Variants in HS3ST4 observed in about 807,000 individuals in gnomAD.
HS3ST4 encodes the protein heparan sulfate-glucosamine 3-sulfotransferase 4, also known as heparan sulfate glucosamine 3-O-sulfotransferase 4.
A neutral mutation model predicts 29.2 loss-of-function variants in HS3ST4; 17 were observed. The ratio of observed to expected loss-of-function variants is 0.58; its 90% CI spans 0.40 to 0.87. The LOEUF (loss-of-function observed/expected upper bound fraction) is 0.87, where lower values mean the gene tolerates loss of function less well. Among genes scored for constraint, HS3ST4 ranks in the 40% least tolerant of loss-of-function variants. The pLI is 0.00. For synonymous variants in HS3ST4, 314 were observed against 285.7 expected (o/e 1.10, Z -1.00); for missense variants, 627 against 634.5 (o/e 0.99, Z 0.13).
intron 1 of HS3ST4, among the ~76,000 whole-genome samples, chr16:26,128,279 C>T (rs1223272873): frequency 2.0e-5 from 3 of 152,180 alleles, no homozygotes; most frequent in Non-Finnish European, 4.4e-5. Context: ...GGGCAGGGAC[C>T]ATGCCTGCTT....
intron 1 of HS3ST4, among the ~76,000 whole-genome samples, chr16:26,105,055 G>A (rs1013773468): frequency 6.6e-6 from 1 of 152,096 alleles, no homozygotes; most frequent in Non-Finnish European, 1.5e-5. Flanking sequence ...TCCCCCGAAA[G>A]CCTCTTCTCC....
At chr16:25,744,639 T>C (rs1966674638) in intron 1 of HS3ST4, among the ~76,000 whole-genome samples, 1 of 152,208 alleles carries the variant, frequency 6.6e-6, no homozygotes, top group Non-Finnish European at 1.5e-5. Flanking sequence ...CATTCTGATA[T>C]GGTTTGGCTG....
chr16:26,041,508 AC>A (rs1230042300), intron 1 of HS3ST4, among the ~76,000 whole-genome samples: 1 of 152,012 alleles, frequency 6.6e-6, no homozygotes, highest in Non-Finnish European at 1.5e-5. Context: ...ACAAAACAAA[AC>A]CCTGAAATCC....
intron 1 of HS3ST4, among the ~76,000 whole-genome samples, chr16:26,090,178 A>T (rs1200139248): frequency 1.3e-5 from 2 of 152,064 alleles, no homozygotes; most frequent in African/African-American, 4.8e-5. Context: ...GTGGATTCAG[A>T]TTAGTTGAGA....
At chr16:25,803,705 A>C (rs2141625239) in intron 1 of HS3ST4, among the ~76,000 whole-genome samples, 1 of 152,074 alleles carries the variant, frequency 6.6e-6, no homozygotes, top group South Asian at 2.1e-4. Context: ...TCAAATATTA[A>C]ATTCCTGGGT....
intron 1 of HS3ST4, among the ~76,000 whole-genome samples, chr16:26,051,270 T>A (rs746516416): frequency 2.6e-5 from 4 of 151,996 alleles, no homozygotes; most frequent in African/African-American, 4.8e-5. Flanking sequence ...TACTGTGCCT[T>A]TAATTACCCT....
intron 1 of HS3ST4, among the ~76,000 whole-genome samples, chr16:25,725,613 G>A (rs1394411094): frequency 6.6e-6 from 1 of 151,650 alleles, no homozygotes; most frequent in Non-Finnish European, 1.5e-5. Context: ...TGCATATAAT[G>A]CAAACAATTG....
intron 1 of HS3ST4, among the ~76,000 whole-genome samples, chr16:25,770,621 TCCTGTGAGTGAGCTA>T (rs1339903879): frequency 1.3e-5 from 2 of 152,184 alleles, no homozygotes; most frequent in African/African-American, 2.4e-5. Flanking sequence ...GGCCTGCCAG[TCCTGTGAGTGAGCTA>T]CCTGGGGTAA....
intron 1 of HS3ST4, among the ~76,000 whole-genome samples, chr16:25,740,616 C>G (rs548727584): frequency 6.6e-6 from 1 of 152,198 alleles, no homozygotes; most frequent in Middle Eastern, 3.4e-3. Flanking sequence ...TAATTTAAAC[C>G]ATGTAAAATA....
intron 1 of HS3ST4, chr16:25,826,233 A>G (rs1019410735): frequency 1.3e-5 from 2 of 152,224 alleles, no homozygotes; most frequent in African/African-American, 4.8e-5. Flanking sequence ...CTGGACCTCA[A>G]GAACTCCTTC....
chr16:26,088,680 G>A (rs1213459964), intron 1 of HS3ST4, among the ~76,000 whole-genome samples: 2 of 152,178 alleles, frequency 1.3e-5, no homozygotes, highest in African/African-American at 4.8e-5. Context: ...CATGTGAGAA[G>A]CTGTTCATTG....
chr16:26,019,099 C>T (rs991771354), intron 1 of HS3ST4, among the ~76,000 whole-genome samples: 2 of 152,070 alleles, frequency 1.3e-5, no homozygotes, highest in Non-Finnish European at 2.9e-5. Flanking sequence ...ATATTCCCGT[C>T]CTGCAAGTGG....
In HS3ST4 at chr16:26,074,823, G is replaced by A. The variant is rs139776881; in HGVS notation, c.735-60789G>A. On this transcript the variant is annotated intron_variant, in intron 1 of 1. Transcript: ENST00000331351. ...CTATATATGTGAATGCACATGCCCC[G>A]ACTCTGAGCTTCAAGCAAGCTTTTC... Among the ~76,000 whole-genome samples the A allele has an allele frequency of 2.3e-3, 352 of 152,164 alleles. 3 individuals carry two copies. The highest frequency in any genetic ancestry group is 8.3e-3 in the African/African-American group (344 of 41,500).
chr16:26,045,965 G>A (rs190760495), intron 1 of HS3ST4, among the ~76,000 whole-genome samples: 13 of 151,708 alleles, frequency 8.6e-5, no homozygotes, highest in Admixed American at 4.6e-4. Context: ...ACATTACATC[G>A]AAATTACATT....
At chr16:26,026,719 C>T (rs1244750921) in intron 1 of HS3ST4, among the ~76,000 whole-genome samples, 1 of 152,152 alleles carries the variant, frequency 6.6e-6, no homozygotes, top group Non-Finnish European at 1.5e-5. Context: ...ACACGTCCAG[C>T]CCCGCATGAA....
At chr16:25,809,305 A>G (rs1967019127) in intron 1 of HS3ST4, among the ~76,000 whole-genome samples, 1 of 152,164 alleles carries the variant, frequency 6.6e-6, no homozygotes, top group Non-Finnish European at 1.5e-5. Flanking sequence ...GTTTTGATGC[A>G]TCATTTTTTA....
chr16:25,763,168 C>T (rs554670525), intron 1 of HS3ST4, among the ~76,000 whole-genome samples: 14 of 152,282 alleles, frequency 9.2e-5, no homozygotes, highest in Admixed American at 3.9e-4. Flanking sequence ...AAGGCTGCCA[C>T]TACCCCAGGT....
chr16:25,812,787 G>A (rs192523145), intron 1 of HS3ST4, among the ~76,000 whole-genome samples: 1 of 151,346 alleles, frequency 6.6e-6, no homozygotes, highest in Admixed American at 6.6e-5. Context: ...CTGCAGCCTC[G>A]ACCTCCTAGT....
At chr16:26,013,078 G>A (rs112144061) in intron 1 of HS3ST4, among the ~76,000 whole-genome samples, 364 of 152,230 alleles carry the variant, frequency 2.4e-3, no homozygotes, top group African/African-American at 8.4e-3. Flanking sequence ...CAAGAGAATC[G>A]CTTGAACTCA....
Sources: gnomAD v4.1 joint callset for allele counts (sites outside exome capture counted in the v4.1 genomes callset) on GRCh38, gnomAD v4.1.1 for gene constraint, MANE v1.5 for transcripts, NCBI Gene and HGNC (gene_info 2026-07-23, HGNC 2026-07-21) for gene names.